The following NXPH1 variants were observed in gnomAD, a reference collection of about 807,000 sequenced individuals.
NXPH1 encodes neurexophilin 1.
A neutral mutation model predicts 23.7 loss-of-function variants in NXPH1; 5 were observed. The ratio of observed to expected loss-of-function variants is 0.21; its 90% CI spans 0.11 to 0.44. The LOEUF is 0.44. Ranked by LOEUF, NXPH1 falls within the 20% of genes least tolerant of loss-of-function variation. The pLI is 0.99. For synonymous variants in NXPH1, 144 were observed against 122.2 expected, an observed-to-expected ratio of 1.18 and a Z score of -1.18; for missense variants, 324 against 321.6, an observed-to-expected ratio of 1.01 and a Z score of -0.06.
At chr7:8,534,217 T>C (rs915431005) in intron 2 of NXPH1, among the ~76,000 whole-genome samples, 3 of 152,078 alleles carry the variant, frequency 2.0e-5, no homozygotes, top group Non-Finnish European at 4.4e-5. Flanking sequence ...CAGATGCTGG[T>C]GCCTCAAAGA....
At chr7:8,750,525 A>C (rs1023507704) in intron 2 of NXPH1, among the ~76,000 whole-genome samples, 20 of 152,106 alleles carry the variant, frequency 1.3e-4, no homozygotes, top group African/African-American at 4.6e-4. Context: ...TTTAAAGCTT[A>C]GGGTAATTTT....
intron 2 of NXPH1, among the ~76,000 whole-genome samples, chr7:8,588,517 A>G (rs1201434514): frequency 2.0e-5 from 3 of 152,154 alleles, no homozygotes; most frequent in Non-Finnish European, 4.4e-5. Context: ...CTTGCACAAC[A>G]GACCACATAA....
chr7:8,535,819 G>A (rs1259400524), intron 2 of NXPH1, among the ~76,000 whole-genome samples: 1 of 151,908 alleles, frequency 6.6e-6, no homozygotes, highest in African/African-American at 2.4e-5. Flanking sequence ...ATTTTTCAAA[G>A]GTGGTTGATG....
intron 2 of NXPH1, among the ~76,000 whole-genome samples, chr7:8,680,697 C>G (rs1821035760): frequency 6.6e-6 from 1 of 152,160 alleles, no homozygotes; most frequent in Admixed American, 6.6e-5. Flanking sequence ...ATGCAATGAT[C>G]AAAGGAATGA....
chr7:8,531,635 A>G (rs1313430478), intron 2 of NXPH1, among the ~76,000 whole-genome samples: 4 of 152,166 alleles, frequency 2.6e-5, no homozygotes, highest in Non-Finnish European at 5.9e-5. Flanking sequence ...TGTGACATCT[A>G]TAAAGGTAGG....
intron 2 of NXPH1, among the ~76,000 whole-genome samples, chr7:8,653,378 G>T (rs1820521083): frequency 6.6e-6 from 1 of 152,082 alleles, no homozygotes; most frequent in African/African-American, 2.4e-5. Context: ...GTCCTGTGTG[G>T]CATTGCTCCA....
At chr7:8,636,182 C>A (rs140974052) in intron 2 of NXPH1, among the ~76,000 whole-genome samples, 132 of 152,306 alleles carry the variant, frequency 8.7e-4, no homozygotes, top group African/African-American at 3.1e-3. Context: ...GAGACTCTTT[C>A]ACTCAATAGC....
chr7:8,645,134 T>A (rs1193352136), intron 2 of NXPH1, among the ~76,000 whole-genome samples: 1 of 152,196 alleles, frequency 6.6e-6, no homozygotes, highest in Non-Finnish European at 1.5e-5. Flanking sequence ...CTACTATGAT[T>A]CTTTTACTTT....
intron 2 of NXPH1, among the ~76,000 whole-genome samples, chr7:8,642,377 T>A (rs1395647253): frequency 6.6e-6 from 1 of 152,210 alleles, no homozygotes; most frequent in Non-Finnish European, 1.5e-5. Context: ...GCCTCTTTTG[T>A]TCTCTCTCAA....
intron 2 of NXPH1, among the ~76,000 whole-genome samples, chr7:8,565,860 C>T (rs1818536356): frequency 6.6e-6 from 1 of 151,720 alleles, no homozygotes; most frequent in Non-Finnish European, 1.5e-5. Context: ...GCCACAAATT[C>T]AATAACAAAG....
intron 2 of NXPH1, among the ~76,000 whole-genome samples, chr7:8,613,686 T>A (rs535900977): frequency 1.3e-5 from 2 of 152,106 alleles, no homozygotes; most frequent in East Asian, 3.9e-4. Flanking sequence ...TTATTTATTG[T>A]ATCATTCAAT....
intron 2 of NXPH1, among the ~76,000 whole-genome samples, chr7:8,490,104 C>A (rs139730268): frequency 1.3e-5 from 2 of 151,992 alleles, no homozygotes; most frequent in Non-Finnish European, 2.9e-5. Flanking sequence ...TTGAAATATC[C>A]TCTCAAGGCA....
intron 2 of NXPH1, among the ~76,000 whole-genome samples, chr7:8,541,661 C>T (rs563043623): frequency 1.3e-5 from 2 of 151,510 alleles, no homozygotes; most frequent in South Asian, 4.2e-4. Context: ...AAAACAATCA[C>T]AATGTAATAT....
intron 2 of NXPH1, among the ~76,000 whole-genome samples, chr7:8,518,891 CT>C (rs1817727444): frequency 6.6e-6 from 1 of 152,112 alleles, no homozygotes; most frequent in African/African-American, 2.4e-5. Context: ...TTCTTTATAT[CT>C]CCTTCCCCAG....
At chr7:8,690,507 CA>C (rs548691528) in intron 2 of NXPH1, among the ~76,000 whole-genome samples, 5 of 152,042 alleles carry the variant, frequency 3.3e-5, no homozygotes, top group Admixed American at 6.6e-5. Flanking sequence ...TGTCTTATTT[CA>C]AGCAAGAAAT....
At chr7:8,559,718 T>TAA (rs1818411085) in intron 2 of NXPH1, among the ~76,000 whole-genome samples, 1 of 151,668 alleles carries the variant, frequency 6.6e-6, no homozygotes. Flanking sequence ...TTTAGGTCCG[T>TAA]AAACTTCACC....
At chr7:8,538,145 TCTAG>T (rs1407413346) in intron 2 of NXPH1, among the ~76,000 whole-genome samples, 2 of 151,888 alleles carry the variant, frequency 1.3e-5, no homozygotes, top group Admixed American at 6.6e-5. Flanking sequence ...TATAAAAGTG[TCTAG>T]CTAGGAGTAA....
At chr7:8,635,663 A>G (rs1176941275) in intron 2 of NXPH1, among the ~76,000 whole-genome samples, 3 of 152,206 alleles carry the variant, frequency 2.0e-5, no homozygotes, top group Non-Finnish European at 4.4e-5. Context: ...AAAGCATTTG[A>G]AATATTTAAA....
At chr7:8,488,370 A>G (rs944357838) in intron 2 of NXPH1, among the ~76,000 whole-genome samples, 3 of 152,156 alleles carry the variant, frequency 2.0e-5, no homozygotes, top group South Asian at 2.1e-4. Context: ...GCTTCAAAAA[A>G]AGTAATGACT....
Sources: allele counts gnomAD v4.1 joint callset (sites outside exome capture counted in the v4.1 genomes callset), GRCh38; gene constraint gnomAD v4.1.1; transcripts MANE v1.5; gene names NCBI Gene and HGNC (gene_info 2026-07-23, HGNC 2026-07-21).